Variants in PGM1 observed in about 807,000 individuals in gnomAD.
PGM1 encodes the protein phosphoglucomutase-1.
In PGM1, 52 loss-of-function variants were observed where a neutral mutation model predicts 55.6. The ratio of observed to expected loss-of-function variants is 0.94; its 90% CI spans 0.75 to 1.18. PGM1 has a LOEUF of 1.18. Among genes scored for constraint, PGM1 ranks in the 50% most tolerant of loss-of-function variants. The pLI is 0.00. For missense variants in PGM1, 724 were observed against 729.3 expected, an observed-to-expected ratio of 0.99 and a Z score of 0.08; for synonymous variants, 287 against 271.7, an observed-to-expected ratio of 1.06 and a Z score of -0.55.
At chr1:63,623,754 C>T (rs1003725185) in intron 1 of PGM1, 1 of 1,606,984 alleles carries the variant, frequency 6.2e-7, no homozygotes, top group South Asian at 1.1e-5. Flanking sequence ...TGGCAGCTGC[C>T]AATGGGGTGG....
intron 1 of PGM1, among the ~76,000 whole-genome samples, chr1:63,602,458 T>C (rs189905495): frequency 7.2e-4 from 109 of 152,368 alleles, no homozygotes; most frequent in African/African-American, 2.6e-3. Context: ...AACTAATATA[T>C]GAATTTGTTC....
rs578037734 is a variant in PGM1 at position 63,593,539 on chromosome 1, G to A, written c.51G>A (p.Pro17=). Residue 17 remains proline, a synonymous_variant, in exon 1 of 11, where the codon CCG becomes CCA. Transcript: ENST00000371084. ...VKTQAYQDQK[P]GTSGLRKRVK... ...CCCAGGCGTACCAGGACCAGAAGCC[G>A]GGCACGAGCGGGCTGCGGAAGCGGG... 3.1e-6 allele frequency: 5 copies of A among 1,613,870 alleles called. No homozygotes were observed. In the East Asian group the frequency reaches 6.7e-5, roughly 22 times the overall value.
At chr1:63,623,634 C>T (rs1268588238) in intron 1 of PGM1, 7 of 1,612,444 alleles carry the variant, frequency 4.3e-6, no homozygotes, top group Non-Finnish European at 5.9e-6. Flanking sequence ...AGAATTTCAT[C>T]CAGAGTATAT....
Position 63,593,690 on chromosome 1 carries a change from A to G in PGM1, c.202A>G (p.Lys68Glu). 5.0e-6 allele frequency: 8 copies of G among 1,605,002 alleles called. No individual in the cohort carries two copies. The highest frequency in any genetic ancestry group is 6.8e-6 in the Non-Finnish European group (8 of 1,176,920). The change falls in exon 1 of 11, where the codon AAG (lysine) becomes GAG (glutamate). Residue 68 changes from lysine to glutamate, a missense_variant. Physicochemically the swap from Lys to Glu is moderately conservative, Grantham distance 56 (BLOSUM62 1). Transcript: ENST00000371084. ...VVGGDGRFYM[K>E]EAIQLIARIA... ...GGGCGGGGACGGCCGGTTCTACATG[A>G]AGGAGGCCATCCAGCTCATCGCTCG... is the stretch of plus-strand genomic sequence containing the variant.
intron 1 of PGM1, among the ~76,000 whole-genome samples, chr1:63,607,519 G>A (rs1439264311): frequency 1.3e-5 from 2 of 152,174 alleles, no homozygotes; most frequent in African/African-American, 4.8e-5. Context: ...CCTGGGATGG[G>A]TGGTGTGCCC....
intron 1 of PGM1, among the ~76,000 whole-genome samples, chr1:63,599,554 G>A (rs1315372683): frequency 6.6e-6 from 1 of 150,386 alleles, no homozygotes; most frequent in Non-Finnish European, 1.5e-5. Context: ...GTGGCTTACC[G>A]CACTTGAGTG....
intron 7 of PGM1, among the ~76,000 whole-genome samples, chr1:63,639,853 A>G (rs761058588): frequency 1.3e-5 from 2 of 152,176 alleles, no homozygotes; most frequent in African/African-American, 4.8e-5. Context: ...GGAGGCACAT[A>G]TTTACAGAGT....
At chr1:63,648,799 G>A (rs1649726852) in intron 8 of PGM1, 147 bp downstream of exon 8, 1 of 870,562 alleles carries the variant, frequency 1.1e-6, no homozygotes, top group South Asian at 1.4e-5. Flanking sequence ...AAAATAATCT[G>A]GTCAGGGATG....
At position 63,630,040 on chromosome 1, in the gene PGM1, C is replaced by T. The variant is rs1649152965; in HGVS notation, c.508C>T (p.Leu170=). The T allele has an allele frequency of 6.2e-7, 1 of 1,614,020 alleles. No homozygotes were observed. The highest frequency in any genetic ancestry group is 8.5e-7 in the Non-Finnish European group (1 of 1,179,922). ...TGACCTGAAAGTAGACCTTGGTGTT[C>T]TGGGAAAGCAGCAGTTTGACTTGGA... ...CPDLKVDLGV[L]GKQQFDLENK... is the part of the protein sequence containing the mutation. The change falls in exon 3 of 11, where the codon CTG becomes TTG. Residue 170 remains leucine (L), a synonymous_variant. Transcript: ENST00000371084.
In PGM1 at chr1:63,596,380, C is replaced by CAT. The variant is rs532867064; in HGVS notation, c.246+2646_246+2647insAT. 6.6e-3 allele frequency among the ~76,000 whole-genome samples: 995 copies of CAT among 151,588 alleles called. 4 individuals are homozygous for CAT. The highest frequency in any genetic ancestry group is 9.6e-3 in the Non-Finnish European group (654 of 67,934). Reference sequence around the variant, plus strand: ...CAAGCAATTCGCCTGCCTTAGCCTCCTGAGTAGCTGGGATGACAGGCATGC... The same window carrying CAT: ...CAAGCAATTCGCCTGCCTTAGCCTCCATTGAGTAGCTGGGATGACAGGCATGC... On this transcript the variant is annotated intron_variant, in intron 1 of 10. Coordinates refer to ENST00000371084, the MANE Select transcript of PGM1 (RefSeq NM_002633.3).
At chr1:63,604,396 C>T (rs1051988024) in intron 1 of PGM1, among the ~76,000 whole-genome samples, 5 of 151,976 alleles carry the variant, frequency 3.3e-5, no homozygotes, top group Admixed American at 6.6e-5. Flanking sequence ...TTGCCCTTGC[C>T]CATCTGGTTG....
At chr1:63,639,750 G>A (rs1649464096) in intron 7 of PGM1, among the ~76,000 whole-genome samples, 1 of 152,134 alleles carries the variant, frequency 6.6e-6, no homozygotes, top group African/African-American at 2.4e-5. Context: ...CAATTGAGTT[G>A]CAATTCATGC....
chr1:63,638,722 C>T lies in PGM1; in HGVS notation c.1066C>T (p.Pro356Ser), dbSNP rs780587184. ...SATKIALYET[P>S]TGWKFFGNLM... is the part of the protein sequence containing the mutation. ...TACAAAGATTGCTTTGTATGAGACC[C>T]CAACTGGCTGGAAGTTTTTTGGGAA... Residue 356 changes from proline to serine, a missense_variant, in exon 7 of 11, where the codon CCA becomes TCA. Pro to Ser is a moderately conservative substitution (Grantham distance 74). Coordinates refer to ENST00000371084, the MANE Select transcript of PGM1 (RefSeq NM_002633.3). The T allele has an allele frequency of 3.1e-6, 5 of 1,614,018 alleles. No homozygotes were observed. Among genetic ancestry groups the T allele is most frequent in the Admixed American group, 3.3e-5 (2 of 59,998 alleles).
In PGM1 at chr1:63,631,733, A is replaced by G. The variant is rs150656170; in HGVS notation, c.633A>G (p.Leu211=). 6 of 1,613,150 alleles carry G rather than the reference A, an allele frequency of 3.7e-6. No individual in the cohort carries two copies. The highest frequency in any genetic ancestry group is 3.3e-4 in the Middle Eastern group (2 of 6,074). The change falls in exon 4 of 11, where the codon CTA becomes CTG. Residue 211 remains leucine, a synonymous_variant. Transcript: ENST00000371084. Reference sequence around the variant, plus strand: ...TTGATTTCAGTGCACTGAAAGAACTACTTTCTGGGCCAAACCGACTGAAGA... The same window carrying G: ...TTGATTTCAGTGCACTGAAAGAACTGCTTTCTGGGCCAAACCGACTGAAGA... ...SIFDFSALKE[L]LSGPNRLKIR...
chr1:63,601,008 G>A (rs855321), intron 1 of PGM1, among the ~76,000 whole-genome samples: 57,081 of 151,906 alleles, frequency 0.38, 10,936 homozygotes, highest in East Asian at 0.48. Flanking sequence ...GTTATATACT[G>A]GGGGCTTGCA....
chr1:63,615,960 G>GCA (rs1648701355), intron 1 of PGM1, among the ~76,000 whole-genome samples: 1 of 152,168 alleles, frequency 6.6e-6, no homozygotes, highest in Admixed American at 6.5e-5. Flanking sequence ...GGTGAGTGAA[G>GCA]CACTGCCCCT....
intron 10 of PGM1, among the ~76,000 whole-genome samples, chr1:63,655,102 C>T (rs1352237320): frequency 5.3e-5 from 8 of 151,194 alleles, no homozygotes; most frequent in African/African-American, 1.9e-4. Flanking sequence ...CTGAGTAGCT[C>T]GGATTACAGG....
Position 63,620,861 on chromosome 1 carries a change from G to A in PGM1, c.247-8564G>A, listed in dbSNP as rs534146814. Among the ~76,000 whole-genome samples, 5 of 152,312 alleles carry A rather than the reference G, an allele frequency of 3.3e-5. No individual in the cohort carries two copies. In the South Asian group the frequency reaches 1.0e-3, roughly 32 times the overall value. ...TTGTGAAGGAGTACTGGCAATGCAG[G>A]CGAATTCATTAGGCCAAATTGGGTT... On this transcript the variant is annotated intron_variant, in intron 1 of 10. Coordinates refer to ENST00000371084, the MANE Select transcript of PGM1 (RefSeq NM_002633.3).
Position 63,623,604 on chromosome 1 carries a change from G to A in PGM1, c.247-5821G>A, listed in dbSNP as rs774192504. 3 of 1,612,750 alleles carry A rather than the reference G, an allele frequency of 1.9e-6. No homozygotes were observed. The East Asian group carries it at 6.7e-5, about 36-fold the overall frequency. ...TACGGAAGAAAACCTATTATTTTGA[G>A]GAAAAGCCATGCTATCTGGAGAATT... On this transcript the variant is annotated intron_variant, in intron 1 of 10. Transcript: ENST00000371084.
Sources: allele counts gnomAD v4.1 joint callset (sites outside exome capture counted in the v4.1 genomes callset), GRCh38; gene constraint gnomAD v4.1.1; transcripts MANE v1.5; gene names NCBI Gene and HGNC (gene_info 2026-07-23, HGNC 2026-07-21).